SHQ1: variants seen among roughly 807,000 people sequenced by gnomAD.
SHQ1 encodes SHQ1, H/ACA ribonucleoprotein assembly factor.
Under a neutral mutation model 53.8 loss-of-function variants are expected in SHQ1, and 49 were observed. The observed-to-expected ratio is 0.91, with a 90% CI of 0.72 to 1.16. The LOEUF (loss-of-function observed/expected upper bound fraction) is 1.16. SHQ1 is among the 50% of genes most tolerant of loss of function. The probability of loss-of-function intolerance (pLI) is 0.00; values close to 1 mark genes in which losing one functional copy is unlikely to be tolerated. For missense variants in SHQ1, 738 were observed against 683.1 expected (o/e 1.08, Z -0.90); for synonymous variants, 243 against 251.0 (o/e 0.97, Z 0.30).
At chr3:72,805,421 T>G (rs1379933637) in intron 9 of SHQ1, among the ~76,000 whole-genome samples, 2 of 152,200 alleles carry the variant, frequency 1.3e-5, no homozygotes, top group Non-Finnish European at 2.9e-5. Context: ...CAAAGTTGTC[T>G]TAAATACATA....
the SHQ1 span, among the ~76,000 whole-genome samples, chr3:72,732,407 T>TTCCG: frequency 6.9e-6 from 1 of 143,944 alleles, no homozygotes; most frequent in Non-Finnish European, 1.5e-5. Flanking sequence ...CCTTCCTTCC[T>TTCCG]TCCTTCCTTC....
At chr3:72,831,085 T>C (rs983624902) in intron 5 of SHQ1, among the ~76,000 whole-genome samples, 7 of 152,218 alleles carry the variant, frequency 4.6e-5, no homozygotes, top group Non-Finnish European at 8.8e-5. Flanking sequence ...CAAATTGCTC[T>C]TCAGTGGACC....
chr3:72,732,493 T>C, the SHQ1 span, among the ~76,000 whole-genome samples: 1 of 149,494 alleles, frequency 6.7e-6, no homozygotes, highest in Non-Finnish European at 1.5e-5. Context: ...TTCTGAGCAA[T>C]ATATGGGCTT....
At chr3:72,758,397 G>A (rs1161174749) in intron 10 of SHQ1, among the ~76,000 whole-genome samples, 1 of 152,002 alleles carries the variant, frequency 6.6e-6, no homozygotes, top group Non-Finnish European at 1.5e-5. Context: ...ATGCCATTTC[G>A]TGGGCATAGG....
intron 10 of SHQ1, among the ~76,000 whole-genome samples, chr3:72,754,468 A>C (rs1705459068): frequency 6.7e-6 from 1 of 148,730 alleles, no homozygotes; most frequent in African/African-American, 2.5e-5. Flanking sequence ...CACAACCTTC[A>C]CTTCCTGGGT....
intron 10 of SHQ1, 126 bp downstream of exon 10, chr3:72,792,784 CAAAAAA>C (rs59948195): frequency 3.6e-4 from 93 of 258,670 alleles, no homozygotes; most frequent in South Asian, 4.7e-4. Context: ...ACCTCCATCT[CAAAAAA>C]AAAAAAAAAA....
At chr3:72,748,329 C>CAA (rs572927520), downstream of SHQ1, among the ~76,000 whole-genome samples, 1,272 of 58,684 alleles carry the variant, frequency 0.022, 311 homozygotes, top group East Asian at 0.072. Context: ...ATGAGGCATG[C>CAA]AAAAAAAAAA....
At position 72,793,352 on chromosome 3, in the gene SHQ1, A is replaced by T. The variant is rs552759360; in HGVS notation, c.1061-316T>A. On this transcript the variant is annotated intron_variant, in intron 9 of 10. Transcript: ENST00000325599. ...GAAACCCTGTCTCTACTAAAAATAC[A>T]AAAAATTAGCCAGGCGTGGTGACAG... is the stretch of plus-strand genomic sequence containing the variant. 1.7e-5 allele frequency: 3 copies of T among 174,302 alleles called. No individual in the cohort carries two copies. In the South Asian group the frequency reaches 4.1e-4, roughly 24 times the overall value. The allele number at this position is 174,302 out of a possible 1,614,324, so 10.8% of individuals were successfully genotyped here. A position where few individuals can be genotyped will look rare whatever the true frequency, so the allele number is the denominator to read the frequency against.
intron 1 of SHQ1, chr3:72,846,251 G>C: frequency 6.5e-7 from 1 of 1,535,494 alleles, no homozygotes; most frequent in Non-Finnish European, 8.7e-7. Context: ...ATTCTTCAAG[G>C]AGAGGGACCA....
intron 7 of SHQ1, 86 bp from the exon 8 acceptor site, chr3:72,815,489 T>A (rs1252358518): frequency 2.0e-6 from 2 of 1,009,498 alleles, no homozygotes; most frequent in Non-Finnish European, 3.1e-6. Flanking sequence ...ATTCAACCAG[T>A]GTCTGAGGAT....
intron 6 of SHQ1, among the ~76,000 whole-genome samples, chr3:72,823,671 G>A (rs556478421): frequency 7.2e-5 from 11 of 152,274 alleles, no homozygotes; most frequent in Admixed American, 3.3e-4. Context: ...CCGGGTATAC[G>A]TGAGTCTATG....
chr3:72,806,824 G>A (rs149631719), intron 9 of SHQ1, among the ~76,000 whole-genome samples: 47 of 152,078 alleles, frequency 3.1e-4, no homozygotes, highest in African/African-American at 7.0e-4. Flanking sequence ...GAAATGTGTC[G>A]TCTCTCTCTT....
chr3:72,831,870 T>C (rs1407071282), intron 5 of SHQ1, among the ~76,000 whole-genome samples: 2 of 152,256 alleles, frequency 1.3e-5, no homozygotes, highest in Non-Finnish European at 2.9e-5. Flanking sequence ...AGATTCTATT[T>C]ATTCTCTACC....
intron 10 of SHQ1, among the ~76,000 whole-genome samples, chr3:72,778,207 T>G (rs1316639397): frequency 2.6e-5 from 4 of 152,224 alleles, no homozygotes; most frequent in African/African-American, 9.6e-5. Context: ...TCGATCCACT[T>G]TGAGCACTTT....
chr3:72,795,976 G>A (rs188498311), intron 9 of SHQ1, among the ~76,000 whole-genome samples: 18 of 151,844 alleles, frequency 1.2e-4, no homozygotes, highest in Middle Eastern at 3.4e-3. Context: ...GGTAGTGCAC[G>A]CCTGTAGTCC....
intron 10 of SHQ1, among the ~76,000 whole-genome samples, chr3:72,781,353 GC>G (rs1473987138): frequency 6.6e-6 from 1 of 152,114 alleles, no homozygotes; most frequent in Non-Finnish European, 1.5e-5. Flanking sequence ...ACCATGCACA[GC>G]CTCAGGTGAG....
chr3:72,793,138 A>C, intron 9 of SHQ1, 102 bp from the exon 10 acceptor site: 1 of 1,098,506 alleles, frequency 9.1e-7, no homozygotes, highest in South Asian at 1.6e-5. Flanking sequence ...ATCATTTCTT[A>C]AGAACATTTT....
chr3:72,758,140 A>G (rs1705536520), intron 10 of SHQ1, among the ~76,000 whole-genome samples: 1 of 152,168 alleles, frequency 6.6e-6, no homozygotes, highest in Non-Finnish European at 1.5e-5. Flanking sequence ...TGAAATTCCT[A>G]TCTTGAATCT....
At chr3:72,771,259 A>G (rs1035572523) in intron 10 of SHQ1, among the ~76,000 whole-genome samples, 1 of 152,220 alleles carries the variant, frequency 6.6e-6, no homozygotes, top group Non-Finnish European at 1.5e-5. Flanking sequence ...ATGACTGCTC[A>G]TTAGATTTCA....
Sources: gnomAD v4.1 joint callset for allele counts (sites outside exome capture counted in the v4.1 genomes callset) on GRCh38, gnomAD v4.1.1 for gene constraint, MANE v1.5 for transcripts, NCBI Gene and HGNC (gene_info 2026-07-23, HGNC 2026-07-21) for gene names.